Variants in MYO5B observed in about 807,000 individuals in gnomAD.
MYO5B encodes myosin VB.
MYO5B carries 143 observed loss-of-function variants against 229.3 expected under a neutral mutation model. The ratio of observed to expected loss-of-function variants is 0.62; its 90% CI spans 0.54 to 0.72. The LOEUF (loss-of-function observed/expected upper bound fraction) is 0.72, where lower values mean the gene tolerates loss of function less well. Ranked by LOEUF, MYO5B falls within the 30% of genes least tolerant of loss-of-function variation. The pLI, the probability that MYO5B is intolerant of heterozygous loss-of-function variation, is 0.00. For missense variants in MYO5B, 2,321 were observed against 2,331.0 expected, an observed-to-expected ratio of 1.00 and a Z score of 0.09; for synonymous variants, 918 against 885.2, an observed-to-expected ratio of 1.04 and a Z score of -0.66.
rs1281577980 is a variant in MYO5B at position 49,825,392 on chromosome 18, G to A, written c.*1079C>T. 1 of 151,146 alleles carries A rather than the reference G, an allele frequency of 6.6e-6. No individual in the cohort carries two copies. Among genetic ancestry groups the A allele is most frequent in the Admixed American group, 6.6e-5 (1 of 15,100 alleles). 9.4% of individuals were successfully genotyped at this position (151,146 alleles called of 1,614,324 possible). Reference sequence around the variant, plus strand: ...GAAAATAACCTGAAAAGGGAAAGTTGACCTAAGCCATTTTATTCTCTTAAA... The same window carrying A: ...GAAAATAACCTGAAAAGGGAAAGTTAACCTAAGCCATTTTATTCTCTTAAA... On this transcript the variant is annotated 3_prime_UTR_variant, in exon 40 of 40. Transcript: ENST00000285039.
At chr18:50,146,324 G>A (rs2032501855) in intron 1 of MYO5B, among the ~76,000 whole-genome samples, 2 of 152,216 alleles carry the variant, frequency 1.3e-5, no homozygotes, top group South Asian at 2.1e-4. Context: ...TTATCCAACT[G>A]GAAGGAAGAA....
intron 28 of MYO5B, among the ~76,000 whole-genome samples, chr18:49,863,759 C>G (rs1286596367): frequency 6.6e-6 from 1 of 152,180 alleles, no homozygotes; most frequent in Non-Finnish European, 1.5e-5. Context: ...TGGCTCTAGT[C>G]TGCCCCAGAA....
intron 27 of MYO5B, among the ~76,000 whole-genome samples, chr18:49,870,754 A>G (rs1387660533): frequency 6.6e-6 from 1 of 152,180 alleles, no homozygotes; most frequent in African/African-American, 2.4e-5. Context: ...AATAGCTACT[A>G]TCAAAAAAAT....
rs549745163 is a variant in MYO5B, at chr18:49,881,529, G to A, written c.3046-1074C>T. On this transcript the variant is annotated intron_variant, in intron 22 of 39. Transcript: ENST00000285039. ...AATTAAAAGTGTGAAGAGGCCAGGCGCAGTGGCTCACACCTGTAATCCCAG... is the reference window on the plus strand; with the variant it reads ...AATTAAAAGTGTGAAGAGGCCAGGCACAGTGGCTCACACCTGTAATCCCAG... Among the ~76,000 whole-genome samples, 7 of 152,266 alleles carry A rather than the reference G, an allele frequency of 4.6e-5. No homozygotes were observed. In the East Asian group the frequency reaches 7.7e-4, roughly 17 times the overall value.
chr18:49,990,305 T>G (rs979386175), intron 7 of MYO5B, 134 bp downstream of exon 7: 13 of 727,950 alleles, frequency 1.8e-5, no homozygotes, highest in Non-Finnish European at 2.9e-5. Context: ...TAGAGAGGCC[T>G]AGGGGTTATG....
chr18:49,889,008 A>G (rs901912418), intron 22 of MYO5B, among the ~76,000 whole-genome samples: 5 of 152,234 alleles, frequency 3.3e-5, no homozygotes, highest in Admixed American at 6.5e-5. Flanking sequence ...TTATATCGCC[A>G]GACTATCACA....
At chr18:49,961,070 C>T (rs1284974896) in intron 12 of MYO5B, among the ~76,000 whole-genome samples, 1 of 152,162 alleles carries the variant, frequency 6.6e-6, no homozygotes, top group Non-Finnish European at 1.5e-5. Context: ...GGAGCATGAC[C>T]TTGGCTGAGT....
chr18:49,898,936 A>G (rs937199170), intron 21 of MYO5B, among the ~76,000 whole-genome samples: 10 of 152,316 alleles, frequency 6.6e-5, no homozygotes, highest in African/African-American at 2.2e-4. Flanking sequence ...GTCTGGGGAT[A>G]GGAACCCTAC....
intron 9 of MYO5B, 116 bp from the exon 10 acceptor site, chr18:49,974,731 C>G (rs368084633): frequency 8.0e-7 from 1 of 1,246,942 alleles, no homozygotes; most frequent in Non-Finnish European, 1.1e-6. Flanking sequence ...GGCCTCCCAG[C>G]CCTCCAGAAT....
At chr18:50,189,108 T>C (rs10164183) in intron 1 of MYO5B, among the ~76,000 whole-genome samples, 83,743 of 151,968 alleles carry the variant, frequency 0.55, 23,205 homozygotes, top group Admixed American at 0.62. Flanking sequence ...CCATGCTTCT[T>C]TTCAGCCTTT....
At chr18:50,172,036 C>T (rs2032925319) in intron 1 of MYO5B, among the ~76,000 whole-genome samples, 1 of 152,048 alleles carries the variant, frequency 6.6e-6, no homozygotes, top group Non-Finnish European at 1.5e-5. Flanking sequence ...TTCTAACCAC[C>T]CCTGGAGGCC....
At chr18:49,855,771 C>T (rs1472838888) in intron 30 of MYO5B, among the ~76,000 whole-genome samples, 1 of 152,200 alleles carries the variant, frequency 6.6e-6, no homozygotes, top group Non-Finnish European at 1.5e-5. Flanking sequence ...TGTCAATCAG[C>T]TGAGTAAACT....
intron 10 of MYO5B, among the ~76,000 whole-genome samples, chr18:49,963,583 T>G (rs2025588168): frequency 6.6e-6 from 1 of 151,894 alleles, no homozygotes; most frequent in South Asian, 2.1e-4. Flanking sequence ...CACGCCACCA[T>G]GCCGAGCTAA....
At chr18:49,962,244 T>A in intron 12 of MYO5B, 22 bp downstream of exon 12, 1 of 1,614,104 alleles carries the variant, frequency 6.2e-7, no homozygotes, top group South Asian at 1.1e-5. Flanking sequence ...AGAATTGAAC[T>A]AATTTGCATC....
At chr18:50,151,854 G>T (rs975370201) in intron 1 of MYO5B, among the ~76,000 whole-genome samples, 1 of 151,996 alleles carries the variant, frequency 6.6e-6, no homozygotes, top group Non-Finnish European at 1.5e-5. Flanking sequence ...CATTTCTTTG[G>T]GGGCAGGGTC....
intron 1 of MYO5B, among the ~76,000 whole-genome samples, chr18:50,158,115 G>A (rs1463360143): frequency 2.0e-5 from 3 of 152,148 alleles, no homozygotes; most frequent in Non-Finnish European, 4.4e-5. Flanking sequence ...ATGATTACAG[G>A]GACCAGGAGA....
chr18:49,889,023 C>A (rs2024678791), intron 22 of MYO5B, among the ~76,000 whole-genome samples: 1 of 152,222 alleles, frequency 6.6e-6, no homozygotes. Context: ...ATCACACCCT[C>A]AGAACCCAGG....
chr18:50,164,567 T>C lies in MYO5B; in HGVS notation c.27+30200A>G, dbSNP rs572862065. Among the ~76,000 whole-genome samples, 39 of 126,082 alleles carry C rather than the reference T, an allele frequency of 3.1e-4. 1 individual carries two copies. The South Asian group carries it at 0.011, about 34-fold the overall frequency. 82.7% of individuals were successfully genotyped at this position (126,082 alleles called of 152,430 possible). On this transcript the variant is annotated intron_variant, in intron 1 of 39. Transcript: ENST00000285039. ...CTCCCTGGAATTAAATCCATTTAAT[T>C]AAAAAGAAATTTTCAAATTGTGATT...
At chr18:49,894,698 C>T (rs1040754178) in intron 22 of MYO5B, among the ~76,000 whole-genome samples, 7 of 152,230 alleles carry the variant, frequency 4.6e-5, no homozygotes, top group African/African-American at 1.2e-4. Context: ...CACAGGCAGA[C>T]ACCATGTGCC....
Sources: gnomAD v4.1 joint callset for allele counts (sites outside exome capture counted in the v4.1 genomes callset) on GRCh38, gnomAD v4.1.1 for gene constraint, MANE v1.5 for transcripts, NCBI Gene and HGNC (gene_info 2026-07-23, HGNC 2026-07-21) for gene names.